XAB2: variants seen among roughly 807,000 people sequenced by gnomAD.
XAB2 encodes the protein pre-mRNA-splicing factor SYF1.
XAB2 carries 57 observed loss-of-function variants against 113.4 expected under a neutral mutation model. The ratio of observed to expected loss-of-function variants is 0.50; its 90% CI spans 0.41 to 0.63. XAB2 has a LOEUF of 0.63. Ranked by LOEUF, XAB2 falls within the 20% of genes least tolerant of loss-of-function variation. The pLI is 0.00. For synonymous variants in XAB2, 497 were observed against 498.8 expected (o/e 1.00, Z 0.05); for missense variants, 1,037 against 1,233.3 (o/e 0.84, Z 2.38).
chr19:7,620,121 C>T, intron 16 of XAB2, 46 bp from the exon 17 acceptor site: 2 of 1,601,912 alleles, frequency 1.2e-6, no homozygotes, highest in Non-Finnish European at 1.7e-6. Context: ...GCCCCTCCCA[C>T]ACATCGGACG....
intron 12 of XAB2, 169 bp downstream of exon 12, chr19:7,622,162 G>A (rs2031047014): frequency 1.5e-5 from 10 of 654,230 alleles, no homozygotes; most frequent in Admixed American, 5.6e-5. Flanking sequence ...CCCATGCCTC[G>A]ATCCTGGACT....
In XAB2 at chr19:7,622,433, G is replaced by T. The variant is rs141577981; in HGVS notation, c.1515C>A (p.Ala505=). 6.2e-7 allele frequency: 1 copy of T among 1,614,040 alleles called. No homozygotes were observed. The highest frequency in any genetic ancestry group is 8.5e-7 in the Non-Finnish European group (1 of 1,180,038). ...ESLGTFQSTK[A]VYDRILDLRI... Reference sequence around the variant, plus strand: ...GCAGGTCCAGGATGCGGTCGTACACGGCCTTGGTGGACTGCAGGGGTGGGG... The same window carrying T: ...GCAGGTCCAGGATGCGGTCGTACACTGCCTTGGTGGACTGCAGGGGTGGGG... The change falls in exon 12 of 19, where the codon GCC becomes GCA. Residue 505 remains alanine, a synonymous_variant. Transcript: ENST00000358368.
At position 7,623,708 on chromosome 19, in the gene XAB2, G is replaced by A. The variant is rs1404767748; in HGVS notation, c.1119+23C>T. The A allele has an allele frequency of 2.5e-6, 4 of 1,570,698 alleles. No individual in the cohort carries two copies. The South Asian group carries it at 4.7e-5, about 18-fold the overall frequency. ...TGCAGGAAACTGGCCCTCAGGGGTAGGACTGGGGCAGGCTTCATGTACCTC... is the reference window on the plus strand; with the variant it reads ...TGCAGGAAACTGGCCCTCAGGGGTAAGACTGGGGCAGGCTTCATGTACCTC... On this transcript the variant is annotated intron_variant, in intron 8 of 18. Coordinates refer to ENST00000358368, the MANE Select transcript of XAB2 (RefSeq NM_020196.3). The surrounding 1 kb of genome is among the most constrained non-coding windows in gnomAD (Gnocchi z 4.6).
At chr19:7,621,319 C>G in intron 12 of XAB2, 22 bp from the exon 13 acceptor site, 1 of 1,609,600 alleles carries the variant, frequency 6.2e-7, no homozygotes, top group Non-Finnish European at 8.5e-7. Context: ...GGGAGAGTCA[C>G]ATGTGAGAGT....
At chr19:7,629,320 G>A (rs893172743) in intron 1 of XAB2, among the ~76,000 whole-genome samples, 157 bp downstream of exon 1, 4 of 152,182 alleles carry the variant, frequency 2.6e-5, no homozygotes, top group African/African-American at 4.8e-5. Context: ...ACAGTTCGGT[G>A]CGGACATGAC....
intron 12 of XAB2, 191 bp from the exon 13 acceptor site, chr19:7,621,488 C>A: frequency 1.6e-6 from 1 of 627,654 alleles, no homozygotes; most frequent in South Asian, 2.0e-5. Flanking sequence ...TGTGAGAACC[C>A]CAAGAACAGG....
In XAB2 at chr19:7,627,450, TG is replaced by T. The variant is rs1310793101; in HGVS notation, c.325-11del. ...GCCACAGACGAGGCATCTGGGGGTGTGGGGAGAGGCGGCTGGGGCTAAGCCA... is the reference window on the plus strand; with the variant it reads ...GCCACAGACGAGGCATCTGGGGGTGTGGGAGAGGCGGCTGGGGCTAAGCCA... On this transcript the variant is annotated splice_polypyrimidine_tract_variant and intron_variant, in intron 3 of 18. Transcript: ENST00000358368. The surrounding 1 kb of genome is among the most constrained non-coding windows in gnomAD (Gnocchi z 4.5). 4 of 1,599,788 alleles carry T rather than the reference TG, an allele frequency of 2.5e-6. No homozygotes were observed. The highest frequency in any genetic ancestry group is 1.3e-5 in the African/African-American group (1 of 74,772).
chr19:7,623,443 A>C lies in XAB2; in HGVS notation c.1120-154T>G, dbSNP rs1263854798. Among the ~76,000 whole-genome samples the C allele has an allele frequency of 6.6e-6, 1 of 151,732 alleles. No homozygotes were observed. The highest frequency in any genetic ancestry group is 1.5e-5 in the Non-Finnish European group (1 of 67,898). On this transcript the variant is annotated intron_variant, in intron 8 of 18. Coordinates refer to ENST00000358368, the MANE Select transcript of XAB2 (RefSeq NM_020196.3). This position sits in a 1 kb window ranked among gnomAD's most constrained non-coding sequence, Gnocchi z 4.6. ...ACTATGGCCCTTGACAATGGTCAGG[A>C]CCAAGAGAGAGCTGTGGCCCTAAGG...
intron 12 of XAB2, 76 bp from the exon 13 acceptor site, chr19:7,621,373 C>T (rs536152829): frequency 9.5e-5 from 148 of 1,556,796 alleles, no homozygotes; most frequent in Non-Finnish European, 1.1e-4. Flanking sequence ...CCTTGGGTGG[C>T]GTCTGTAGGG....
chr19:7,622,962 A>G (rs2031066563), intron 9 of XAB2, 69 bp from the exon 10 acceptor site: 9 of 1,582,872 alleles, frequency 5.7e-6, no homozygotes, highest in Middle Eastern at 1.8e-4. Flanking sequence ...CAAGGGTCAG[A>G]AAGGTGACCA....
chr19:7,620,480 T>C, intron 15 of XAB2, 34 bp from the exon 16 acceptor site: 1 of 1,608,456 alleles, frequency 6.2e-7, no homozygotes. Flanking sequence ...TGGGTGTGTG[T>C]GCCCGTGAGC....
intron 5 of XAB2, 44 bp downstream of exon 5, chr19:7,626,092 G>A (rs770411947): frequency 1.9e-6 from 3 of 1,611,968 alleles, no homozygotes; most frequent in East Asian, 2.2e-5. Flanking sequence ...CAGTCATGGA[G>A]GGGGTGGCCC....
Position 7,623,610 on chromosome 19 carries a change from A to G in XAB2, c.1119+121T>C. On this transcript the variant is annotated intron_variant, in intron 8 of 18. Transcript: ENST00000358368. The surrounding 1 kb of genome is among the most constrained non-coding windows in gnomAD (Gnocchi z 4.6). ...AGGAGAACCCCAAGAACAGGGGTGG[A>G]ATTGGACCTACTAAGCAAAGTCAGG... is the stretch of plus-strand genomic sequence containing the variant. The G allele has an allele frequency of 7.3e-7, 1 of 1,360,550 alleles. No individual in the cohort carries two copies. The highest frequency in any genetic ancestry group is 1.4e-5 in the South Asian group (1 of 71,500). 84.3% of individuals were successfully genotyped at this position (1,360,550 alleles called of 1,614,324 possible). A position where few individuals can be genotyped will look rare whatever the true frequency, so the allele number is the denominator to read the frequency against.
At position 7,628,574 on chromosome 19, in the gene XAB2, G is replaced by A. The variant is rs1191952002; in HGVS notation, c.52-276C>T. 2.0e-5 allele frequency among the ~76,000 whole-genome samples: 3 copies of A among 152,094 alleles called. No individual in the cohort carries two copies. The highest frequency in any genetic ancestry group is 4.4e-5 in the Non-Finnish European group (3 of 68,026). ...AGGGCTCTGGGCCAGGAATGAGTCC[G>A]CATCACCACTCGCTTTCTGCCCCAG... On this transcript the variant is annotated intron_variant, in intron 1 of 18. Transcript: ENST00000358368. This position sits in a 1 kb window ranked among gnomAD's most constrained non-coding sequence, Gnocchi z 4.6.
At chr19:7,621,540 G>T in intron 12 of XAB2, 2 of 524,016 alleles carry the variant, frequency 3.8e-6, no homozygotes, top group South Asian at 5.6e-5. Flanking sequence ...CCCCATAGGA[G>T]GTGACATGAT....
In XAB2 at chr19:7,621,203, C is replaced by T. The variant is rs373454646; in HGVS notation, c.1712G>A (p.Arg571His). ...CAGGTCCCGTGCCCGCTCCAGCTTG[C>T]GGCCCCCATAGCGGGCAATGAATTT... Reference protein sequence around the residue: ...LTKFIARYGGRKLERARDLFE... With the variant: ...LTKFIARYGGHKLERARDLFE... Residue 571 changes from arginine to histidine, a missense_variant, in exon 13 of 19, where the codon CGC becomes CAC. By Grantham distance (29) the Arg-to-His change is conservative (BLOSUM62 0). Transcript: ENST00000358368. The T allele has an allele frequency of 4.6e-5, 74 of 1,612,736 alleles. No individual in the cohort carries two copies. The highest frequency in any genetic ancestry group is 3.3e-4 in the African/African-American group (25 of 74,928).
At position 7,622,510 on chromosome 19, in the gene XAB2, C is replaced by T; in HGVS notation, c.1503+20G>A. On this transcript the variant is annotated intron_variant, in intron 11 of 18. Coordinates refer to ENST00000358368, the MANE Select transcript of XAB2 (RefSeq NM_020196.3). The stretch of plus-strand genomic sequence containing the variant: ...AGCTGAGTCCGGGGCCCCGTCCCTC[C>T]CCAGCCACAGGCAGCTCACCTGGAA... 1 of 1,613,910 alleles carries T rather than the reference C, an allele frequency of 6.2e-7. No homozygotes were observed. The highest frequency in any genetic ancestry group is 8.5e-7 in the Non-Finnish European group (1 of 1,180,018).
rs762941834 is a variant in XAB2 at position 7,627,899 on chromosome 19, C to T, written c.201-48G>A. 1 of 1,587,828 alleles carries T rather than the reference C, an allele frequency of 6.3e-7. No individual in the cohort carries two copies. The highest frequency in any genetic ancestry group is 1.7e-5 in the Admixed American group (1 of 58,526). On this transcript the variant is annotated intron_variant, in intron 2 of 18. Transcript: ENST00000358368. This position sits in a 1 kb window ranked among gnomAD's most constrained non-coding sequence, Gnocchi z 4.5. ...TGCTGATCGGTCAGCTTTATGGACA[C>T]CCCCAGAACCATTTGCCCTGCCCCA...
At chr19:7,621,061 G>A in intron 13 of XAB2, 25 bp from the exon 14 acceptor site, 2 of 1,540,896 alleles carry the variant, frequency 1.3e-6, no homozygotes, top group Non-Finnish European at 8.7e-7. Flanking sequence ...CGGGGAGAGG[G>A]GAGCACGGTC....
Sources: gnomAD v4.1 joint callset for allele counts (sites outside exome capture counted in the v4.1 genomes callset) on GRCh38, gnomAD v4.1.1 for gene constraint, Gnocchi (gnomAD v3.1) non-coding constraint, MANE v1.5 for transcripts, NCBI Gene and HGNC (gene_info 2026-07-23, HGNC 2026-07-21) for gene names.